ERN1: variants seen among roughly 807,000 people sequenced by gnomAD.
The protein encoded by ERN1 is serine/threonine-protein kinase/endoribonuclease IRE1.
A neutral mutation model predicts 113.1 loss-of-function variants in ERN1; 39 were observed. That is an observed-to-expected ratio of 0.34 (90% CI 0.27 to 0.45). The LOEUF (loss-of-function observed/expected upper bound fraction) is 0.45, where lower values mean the gene tolerates loss of function less well. Among genes scored for constraint, ERN1 ranks in the 20% least tolerant of loss-of-function variants. ERN1 has a pLI of 1.00. For missense variants in ERN1, 976 were observed against 1,274.8 expected (o/e 0.77, Z 3.57); for synonymous variants, 507 against 515.9 (o/e 0.98, Z 0.23).
chr17:64,080,048 A>C (rs1446591474), intron 3 of ERN1, among the ~76,000 whole-genome samples: 2 of 152,278 alleles, frequency 1.3e-5, no homozygotes, highest in Admixed American at 6.5e-5. Flanking sequence ...ATATGTGAAA[A>C]GGACCCAGTA....
chr17:64,120,273 G>C (rs974760025), intron 1 of ERN1, among the ~76,000 whole-genome samples: 5 of 152,154 alleles, frequency 3.3e-5, no homozygotes, highest in Non-Finnish European at 7.4e-5. Context: ...CCCCTCAGGA[G>C]TCATGGGCCA....
Position 64,044,180 on chromosome 17 carries a change from C to A in ERN1, c.2742G>T (p.Leu914=). The change falls in exon 22 of 22, where the codon CTG becomes CTT. Residue 914 remains leucine (L), a synonymous_variant. Transcript: ENST00000433197. This position sits in a 1 kb window ranked among gnomAD's most constrained non-coding sequence, Gnocchi z 4.1. ...MRNKKHHYRE[L]PAEVRETLGS... ...CCAGCGTCTCCCGCACCTCTGCAGG[C>A]AGCTCCCGGTAGTGGTGCTTCTGCA... The A allele has an allele frequency of 6.4e-7, 1 of 1,570,572 alleles. No individual in the cohort carries two copies.
intron 5 of ERN1, among the ~76,000 whole-genome samples, chr17:64,074,920 C>G (rs1414931756): frequency 6.6e-6 from 1 of 152,196 alleles, no homozygotes; most frequent in East Asian, 1.9e-4. Context: ...CTTGGAATCT[C>G]AGGACTAAGT....
At chr17:64,114,153 C>T (rs1355397573) in intron 1 of ERN1, among the ~76,000 whole-genome samples, 1 of 150,242 alleles carries the variant, frequency 6.7e-6, no homozygotes, top group Non-Finnish European at 1.5e-5. Flanking sequence ...ATACAGTAAG[C>T]ATCATGTAAG....
intron 17 of ERN1, 55 bp downstream of exon 17, chr17:64,052,725 G>A: frequency 6.5e-7 from 1 of 1,531,760 alleles, no homozygotes; most frequent in Admixed American, 1.8e-5. Context: ...TTCTACTCCT[G>A]AAGATACAAT....
rs1913187845 is a variant in ERN1 at position 64,065,366 on chromosome 17, AT to A, written c.843-80del. On this transcript the variant is annotated intron_variant, in intron 8 of 21. Transcript: ENST00000433197. ...CAGAAGGGAGTAATCATCACCCCAA[AT>A]ACCACCCGCAGGGATGACCACATTA... The A allele has an allele frequency of 1.2e-5, 13 of 1,053,202 alleles. No homozygotes were observed. In the South Asian group the frequency reaches 1.9e-4, roughly 16 times the overall value. 65.2% of individuals were successfully genotyped at this position (1,053,202 alleles called of 1,614,324 possible).
chr17:64,090,004 C>T (rs994398870), intron 2 of ERN1, among the ~76,000 whole-genome samples: 1 of 152,156 alleles, frequency 6.6e-6, no homozygotes, highest in Non-Finnish European at 1.5e-5. Context: ...TTCATACATT[C>T]GAGTGGCCCA....
chr17:64,063,877 G>T lies in ERN1; in HGVS notation c.1087+109C>A. 9.7e-7 allele frequency: 1 copy of T among 1,028,520 alleles called. No individual in the cohort carries two copies. Among genetic ancestry groups the T allele is most frequent in the Non-Finnish European group, 1.4e-6 (1 of 697,662 alleles). The allele number at this position is 1,028,520 out of a possible 1,614,324, so 63.7% of individuals were successfully genotyped here. On this transcript the variant is annotated intron_variant, in intron 10 of 21. Transcript: ENST00000433197. This position sits in a 1 kb window ranked among gnomAD's most constrained non-coding sequence, Gnocchi z 5.1. ...TCAGGGGCCAGCCGGGAAGGGCTCT[G>T]AGCACAAGGCCTTCCGAGCTCAGTA...
At chr17:64,102,594 A>C (rs1269214121) in intron 1 of ERN1, 12 of 886,794 alleles carry the variant, frequency 1.4e-5, no homozygotes, top group Non-Finnish European at 1.6e-5. Context: ...GTTCAAATGT[A>C]GTTGCTATAG....
Position 64,066,888 on chromosome 17 carries a change from C to A in ERN1, c.625G>T (p.Val209Leu), listed in dbSNP as rs1411325024. Residue 209 changes from valine to leucine, a missense_variant, in exon 8 of 22, where the codon GTG becomes TTG. Physicochemically the swap from Val to Leu is conservative, Grantham distance 32. This residue lies in a region of ERN1 where 459 missense variants were observed against 581.2 expected (regional missense o/e 0.79). Coordinates refer to ENST00000433197, the MANE Select transcript of ERN1 (RefSeq NM_001433.5). ...AGGACGTCCCCAGATTCACTGTCCA[C>A]AGTCACCACCAGCCCATCACCATTG... ...VSNGDGLVVT[V>L]DSESGDVLWI... The A allele has an allele frequency of 6.2e-7, 1 of 1,613,938 alleles. No individual in the cohort carries two copies. Among genetic ancestry groups the A allele is most frequent in the South Asian group, 1.1e-5 (1 of 91,066 alleles).
chr17:64,100,841 T>C (rs1209660185), intron 1 of ERN1, among the ~76,000 whole-genome samples: 1 of 152,102 alleles, frequency 6.6e-6, no homozygotes, highest in Non-Finnish European at 1.5e-5. Flanking sequence ...TCTGTGAATG[T>C]GTTTTCTGCC....
intron 5 of ERN1, among the ~76,000 whole-genome samples, chr17:64,073,751 A>C (rs1913503725): frequency 6.6e-6 from 1 of 152,208 alleles, no homozygotes; most frequent in Non-Finnish European, 1.5e-5. Context: ...TCAGCCTCCC[A>C]AAGTGTTGGG....
Position 64,064,048 on chromosome 17 carries a change from A to C in ERN1, c.1025T>G (p.Phe342Cys). 6.2e-7 allele frequency: 1 copy of C among 1,613,920 alleles called. No homozygotes were observed. Among genetic ancestry groups the C allele is most frequent in the Non-Finnish European group, 8.5e-7 (1 of 1,179,860 alleles). The change falls in exon 10 of 22, where the codon TTT (phenylalanine) becomes TGT (cysteine). Residue 342 changes from phenylalanine (F) to cysteine (C), a missense_variant. Physicochemically the swap from Phe to Cys is radical, Grantham distance 205 (BLOSUM62 -2). Transcript: ENST00000433197. ...GTTCTTGCTTTTGAGTCCGGGATCA[A>C]ACTTGACGTCCGTGCTGGGCGTGAT... ...CVITPSTDVK[F>C]DPGLKSKNKL... is the part of the protein sequence containing the mutation.
rs575653817 is a variant in ERN1, at chr17:64,045,291, C to T, written c.2653+68G>A. 5.7e-5 allele frequency: 91 copies of T among 1,599,582 alleles called. No homozygotes were observed. In the Middle Eastern group the frequency reaches 8.3e-4, roughly 15 times the overall value. The stretch of plus-strand genomic sequence containing the variant: ...GAACAGCCTGGAGCGGCCATTTCCA[C>T]GTTTACTTTTTGGAAAGGCGGCAGC... On this transcript the variant is annotated intron_variant, in intron 20 of 21. Coordinates refer to ENST00000433197, the MANE Select transcript of ERN1 (RefSeq NM_001433.5).
intron 6 of ERN1, among the ~76,000 whole-genome samples, chr17:64,069,410 T>A (rs1279743528): frequency 6.6e-6 from 1 of 151,964 alleles, no homozygotes; most frequent in Non-Finnish European, 1.5e-5. Flanking sequence ...CAAATTTCAA[T>A]GGACAAGGAA....
At chr17:64,098,305 A>G in intron 1 of ERN1, 64 bp from the exon 2 acceptor site, 1 of 1,590,298 alleles carries the variant, frequency 6.3e-7, no homozygotes, top group Non-Finnish European at 8.6e-7. Flanking sequence ...ATGTACAATC[A>G]CAGACCCCCC....
intron 2 of ERN1, among the ~76,000 whole-genome samples, chr17:64,083,446 G>A (rs1913830564): frequency 6.6e-6 from 1 of 152,100 alleles, no homozygotes; most frequent in African/African-American, 2.4e-5. Flanking sequence ...CCTACCTGTA[G>A]GGATGTAAAC....
chr17:64,107,127 A>C (rs944174672), intron 1 of ERN1, among the ~76,000 whole-genome samples: 4 of 152,118 alleles, frequency 2.6e-5, no homozygotes, highest in Non-Finnish European at 5.9e-5. Context: ...AAATTCACCA[A>C]AGCAGTAGAA....
chr17:64,064,339 A>G (rs1338966622), intron 9 of ERN1, among the ~76,000 whole-genome samples, 188 bp from the exon 10 acceptor site: 1 of 152,238 alleles, frequency 6.6e-6, no homozygotes, highest in Non-Finnish European at 1.5e-5. Context: ...AGCTGCACTG[A>G]TGTCTTTATG....
Sources: gnomAD v4.1 joint callset for allele counts (sites outside exome capture counted in the v4.1 genomes callset) on GRCh38, gnomAD v4.1.1 for gene constraint, gnomAD v4.1.1 regional missense constraint, Gnocchi (gnomAD v3.1) non-coding constraint, MANE v1.5 for transcripts, NCBI Gene and HGNC (gene_info 2026-07-23, HGNC 2026-07-21) for gene names.